The following TSPAN7 variants were observed in gnomAD, a reference collection of about 807,000 sequenced individuals.
TSPAN7 encodes tetraspanin 7.
A neutral mutation model predicts 17.6 loss-of-function variants in TSPAN7; 1 was observed. That is an observed-to-expected ratio of 0.06 (90% CI 0.02 to 0.27). The LOEUF (loss-of-function observed/expected upper bound fraction) is 0.27. Ranked by LOEUF, TSPAN7 falls within the 10% of genes least tolerant of loss-of-function variation. TSPAN7 has a pLI of 1.00. For synonymous variants in TSPAN7, 78 were observed against 79.0 expected (o/e 0.99, Z 0.07); for missense variants, 112 against 201.7 (o/e 0.56, Z 2.69).
chrX:38,613,152 G>A (rs1034515061), intron 1 of TSPAN7, among the ~76,000 whole-genome samples: 1 of 111,528 alleles, frequency 9.0e-6, no homozygotes, highest in Non-Finnish European at 1.9e-5. Context: ...CTCTAATTTT[G>A]GAGTAATATC....
intron 1 of TSPAN7, among the ~76,000 whole-genome samples, chrX:38,589,861 C>T (rs188677989): frequency 1.8e-5 from 2 of 111,632 alleles, no homozygotes; most frequent in East Asian, 2.8e-4. Context: ...ATACATTATG[C>T]GTTTGATAAA....
chrX:38,626,958 T>G (rs1356444606), intron 1 of TSPAN7, among the ~76,000 whole-genome samples: 1 of 111,165 alleles, frequency 9.0e-6, no homozygotes, highest in African/African-American at 3.3e-5. Context: ...ATCTCATCTT[T>G]CTTCTGGGAT....
At chrX:38,682,837 C>G (rs1342416895) in intron 6 of TSPAN7, among the ~76,000 whole-genome samples, 3 of 112,016 alleles carry the variant, frequency 2.7e-5, no homozygotes, top group Non-Finnish European at 5.6e-5. Context: ...CAACATCACT[C>G]TAATGACTGA....
intron 1 of TSPAN7, among the ~76,000 whole-genome samples, chrX:38,577,306 G>A (rs777708751): frequency 1.8e-5 from 2 of 111,174 alleles, no homozygotes; most frequent in East Asian, 5.7e-4. Flanking sequence ...GTGGCCCTAG[G>A]AAATTATTTA....
chrX:38,574,404 A>T (rs1211845287), intron 1 of TSPAN7, among the ~76,000 whole-genome samples: 4 of 112,169 alleles, frequency 3.6e-5, no homozygotes, highest in African/African-American at 9.7e-5. Flanking sequence ...AATATACAAT[A>T]ATTAATTTCT....
intron 1 of TSPAN7, among the ~76,000 whole-genome samples, chrX:38,662,821 C>T (rs7064820): frequency 6.3e-5 from 7 of 110,359 alleles, no homozygotes; most frequent in Admixed American, 3.9e-4. Context: ...TCTTAGATTC[C>T]TAGCACATGA....
At chrX:38,633,696 C>T (rs554878754) in intron 1 of TSPAN7, among the ~76,000 whole-genome samples, 1 of 112,331 alleles carries the variant, frequency 8.9e-6, no homozygotes, top group East Asian at 2.8e-4. Flanking sequence ...TCGGGTTTCA[C>T]AGCTAACTGA....
At chrX:38,624,624 G>T (rs1184119234) in intron 1 of TSPAN7, among the ~76,000 whole-genome samples, 1 of 112,403 alleles carries the variant, frequency 8.9e-6, no homozygotes, top group African/African-American at 3.2e-5. Context: ...AAAGATTTAA[G>T]TCAAGAAGAA....
intron 6 of TSPAN7, among the ~76,000 whole-genome samples, chrX:38,686,574 C>T (rs1057255405): frequency 8.9e-6 from 1 of 111,853 alleles, no homozygotes; most frequent in African/African-American, 3.3e-5. Context: ...TGGGGTCACA[C>T]TTCTAGTGAA....
rs6610151 is a variant in TSPAN7, at chrX:38,562,682, G to A, written c.81+1055G>A. Among the ~76,000 whole-genome samples the A allele has an allele frequency of 0.015, 1,704 of 111,142 alleles. 99 individuals carry two copies. In the East Asian group the frequency reaches 0.22, roughly 14 times the overall value. On this transcript the variant is annotated intron_variant, in intron 1 of 7. Coordinates refer to ENST00000378482, the MANE Select transcript of TSPAN7 (RefSeq NM_004615.4). ...ACACTGCAGTGATTCACTGAGAGAG[G>A]TGCGTGGTACTTAAAGACCATTCCC...
intron 1 of TSPAN7, among the ~76,000 whole-genome samples, chrX:38,636,526 G>A: frequency 9.0e-6 from 1 of 111,453 alleles, no homozygotes. Context: ...CCAGCCCCAA[G>A]GCTATCATAT....
At chrX:38,576,688 G>T (rs760657052) in intron 1 of TSPAN7, among the ~76,000 whole-genome samples, 18 of 111,917 alleles carry the variant, frequency 1.6e-4, no homozygotes, top group Middle Eastern at 4.6e-3. Flanking sequence ...AGAATGACAG[G>T]ATTTTGACAA....
chrX:38,637,820 T>C (rs1377110632), intron 1 of TSPAN7, among the ~76,000 whole-genome samples: 1 of 112,518 alleles, frequency 8.9e-6, no homozygotes, highest in Non-Finnish European at 1.9e-5. Flanking sequence ...CCCACAGACA[T>C]ATGTGACAGT....
At chrX:38,658,511 G>T (rs1217994484) in intron 1 of TSPAN7, among the ~76,000 whole-genome samples, 1 of 111,576 alleles carries the variant, frequency 9.0e-6, no homozygotes, top group Non-Finnish European at 1.9e-5. Flanking sequence ...AGGAGAAAAT[G>T]TCTCTTTCTT....
Position 38,686,162 on chromosome X carries a change from G to A in TSPAN7, c.682-1437G>A, listed in dbSNP as rs148789537. 3.7e-3 allele frequency among the ~76,000 whole-genome samples: 415 copies of A among 112,693 alleles called. 6 individuals carry two copies. Among genetic ancestry groups the A allele is most frequent in the Non-Finnish European group, 5.3e-3 (283 of 53,338 alleles). ...TATGTATTTTATGGCACCAAATGAT[G>A]TTGGCCAGAGCCTTGGTAGGAGATA... On this transcript the variant is annotated intron_variant, in intron 6 of 7. Transcript: ENST00000378482.
chrX:38,685,308 T>C (rs1442540745), intron 6 of TSPAN7, among the ~76,000 whole-genome samples: 1 of 111,896 alleles, frequency 8.9e-6, no homozygotes, highest in Non-Finnish European at 1.9e-5. Flanking sequence ...GATTGTAATA[T>C]TGTACAGGTT....
At chrX:38,600,282 G>C (rs1464083059) in intron 1 of TSPAN7, among the ~76,000 whole-genome samples, 2 of 111,557 alleles carry the variant, frequency 1.8e-5, no homozygotes, top group Non-Finnish European at 3.8e-5. Flanking sequence ...TTTAGTAACA[G>C]CAGGAGAGGA....
chrX:38,636,384 TCAAA>T (rs2069579819), intron 1 of TSPAN7, among the ~76,000 whole-genome samples: 1 of 112,603 alleles, frequency 8.9e-6, no homozygotes, highest in Non-Finnish European at 1.9e-5. Flanking sequence ...TACTTTCTGT[TCAAA>T]CAGTTGTCCC....
At chrX:38,670,858 A>C (rs2069817328) in intron 2 of TSPAN7, among the ~76,000 whole-genome samples, 1 of 112,222 alleles carries the variant, frequency 8.9e-6, no homozygotes, top group Admixed American at 9.4e-5. Context: ...TGGAAGTTAG[A>C]AGTAGGCAGA....
Sources: allele counts gnomAD v4.1 joint callset (sites outside exome capture counted in the v4.1 genomes callset), GRCh38; gene constraint gnomAD v4.1.1; transcripts MANE v1.5; gene names NCBI Gene and HGNC (gene_info 2026-07-23, HGNC 2026-07-21).